Variants in SLC25A21 observed in about 807,000 individuals in gnomAD.
SLC25A21 encodes the protein solute carrier family 25 member 21, also known as mitochondrial 2-oxodicarboxylate carrier.
SLC25A21 carries 47 observed loss-of-function variants against 43.8 expected under a neutral mutation model. That is an observed-to-expected ratio of 1.07 (90% CI 0.85 to 1.37). The LOEUF (loss-of-function observed/expected upper bound fraction) is 1.37. Ranked by LOEUF, SLC25A21 falls within the 40% of genes most tolerant of loss-of-function variation. The pLI is 0.00. For missense variants in SLC25A21, 352 were observed against 350.2 expected (o/e 1.00, Z -0.04); for synonymous variants, 131 against 121.3 (o/e 1.08, Z -0.52).
At chr14:36,966,332 A>T (rs1429064198) in intron 1 of SLC25A21, among the ~76,000 whole-genome samples, 1 of 152,208 alleles carries the variant, frequency 6.6e-6, no homozygotes, top group Non-Finnish European at 1.5e-5. Flanking sequence ...TCCCTACCAG[A>T]TGGTCCATAG....
At chr14:36,857,139 A>G (rs903596179) in intron 2 of SLC25A21, among the ~76,000 whole-genome samples, 1 of 152,162 alleles carries the variant, frequency 6.6e-6, no homozygotes, top group East Asian at 1.9e-4. Flanking sequence ...AAAGCCTAAG[A>G]CATGCTTTAT....
chr14:37,168,822 T>A (rs1057415754), intron 1 of SLC25A21, among the ~76,000 whole-genome samples: 5 of 152,140 alleles, frequency 3.3e-5, no homozygotes, highest in Admixed American at 6.5e-5. Context: ...AGTGTGGCAC[T>A]CTGACAACCT....
intron 1 of SLC25A21, among the ~76,000 whole-genome samples, chr14:37,030,699 A>G (rs1950816): frequency 0.47 from 71,871 of 152,026 alleles, 20,178 homozygotes; most frequent in African/African-American, 0.8. Context: ...GTGACCTAGC[A>G]TTCAGCTTCA....
chr14:37,146,127 A>C (rs1473643436), intron 1 of SLC25A21, among the ~76,000 whole-genome samples: 2 of 152,210 alleles, frequency 1.3e-5, no homozygotes, highest in African/African-American at 4.8e-5. Flanking sequence ...GTTTTAAATT[A>C]ATTCACATTA....
intron 1 of SLC25A21, among the ~76,000 whole-genome samples, chr14:36,924,210 T>G (rs1892064817): frequency 6.6e-6 from 1 of 152,132 alleles, no homozygotes; most frequent in Admixed American, 6.6e-5. Flanking sequence ...CATGCTGCTA[T>G]AAAGACACAT....
intron 1 of SLC25A21, among the ~76,000 whole-genome samples, chr14:36,925,819 C>A (rs927802850): frequency 4.6e-5 from 7 of 152,098 alleles, no homozygotes; most frequent in Admixed American, 1.3e-4. Flanking sequence ...TGCATTCCAG[C>A]CTGGGTGACA....
rs762387752 is a variant in SLC25A21, at chr14:36,734,606, A to T, written c.204-33T>A. 2.6e-6 allele frequency: 4 copies of T among 1,513,822 alleles called. No homozygotes were observed. In the South Asian group the frequency reaches 4.7e-5, roughly 18 times the overall value. 93.8% of individuals were successfully genotyped at this position (1,513,822 alleles called of 1,614,324 possible). A position where few individuals can be genotyped will look rare whatever the true frequency, so the allele number is the denominator to read the frequency against. The stretch of plus-strand genomic sequence containing the variant: ...AGAAATAAAAGATTTCCTATGAGTA[A>T]GGAAATTAGGCAACAAGTATTTCTG... On this transcript the variant is annotated intron_variant, in intron 3 of 9. Coordinates refer to ENST00000331299, the MANE Select transcript of SLC25A21 (RefSeq NM_030631.4).
chr14:36,757,873 T>G (rs1885994339), intron 3 of SLC25A21, among the ~76,000 whole-genome samples: 3 of 152,234 alleles, frequency 2.0e-5, no homozygotes, highest in Admixed American at 2.0e-4. Context: ...ACCAGCTTAT[T>G]GAGCACTCTG....
chr14:37,169,580 AACACACACAC>A (rs1321339179), intron 1 of SLC25A21, among the ~76,000 whole-genome samples: 21 of 145,292 alleles, frequency 1.4e-4, no homozygotes, highest in African/African-American at 5.3e-4. Flanking sequence ...AAAAGGTCAT[AACACACACAC>A]ACACACACAC....
chr14:36,848,153 C>T (rs1012934131), intron 2 of SLC25A21, among the ~76,000 whole-genome samples: 2 of 152,146 alleles, frequency 1.3e-5, no homozygotes, highest in African/African-American at 2.4e-5. Context: ...TATTACCCAT[C>T]AGCCTCTAGA....
intron 6 of SLC25A21, among the ~76,000 whole-genome samples, chr14:36,714,003 C>T (rs774849394): frequency 6.6e-6 from 1 of 151,720 alleles, no homozygotes; most frequent in Non-Finnish European, 1.5e-5. Context: ...AAAGCAAGAC[C>T]CTATCTCAAA....
chr14:37,149,142 GT>G (rs142665911), intron 1 of SLC25A21, among the ~76,000 whole-genome samples: 2 of 150,972 alleles, frequency 1.3e-5, no homozygotes, highest in Non-Finnish European at 3.0e-5. Flanking sequence ...TATCACCACT[GT>G]TTTTTTTTAA....
At chr14:36,814,209 T>C (rs1888372053) in intron 2 of SLC25A21, among the ~76,000 whole-genome samples, 1 of 152,192 alleles carries the variant, frequency 6.6e-6, no homozygotes, top group African/African-American at 2.4e-5. Context: ...TAATGAAATC[T>C]ATAGAAAAAA....
chr14:36,889,664 T>C (rs1891023469), intron 1 of SLC25A21, among the ~76,000 whole-genome samples: 1 of 152,100 alleles, frequency 6.6e-6, no homozygotes, highest in Admixed American at 6.6e-5. Flanking sequence ...TTTTTAATTT[T>C]ATTTTTTTTG....
intron 1 of SLC25A21, among the ~76,000 whole-genome samples, chr14:37,142,484 T>C (rs1321962186): frequency 6.6e-6 from 1 of 152,130 alleles, no homozygotes; most frequent in Non-Finnish European, 1.5e-5. Context: ...CCTCAGCCTC[T>C]CAAGTAGCTG....
chr14:36,934,605 C>A (rs1373783627), intron 1 of SLC25A21, among the ~76,000 whole-genome samples: 1 of 151,936 alleles, frequency 6.6e-6, no homozygotes, highest in Non-Finnish European at 1.5e-5. Context: ...ACTTCCAATT[C>A]ACCAGTACTT....
chr14:36,969,202 T>A (rs537162567), intron 1 of SLC25A21, among the ~76,000 whole-genome samples: 30 of 152,288 alleles, frequency 2.0e-4, no homozygotes, highest in African/African-American at 7.2e-4. Context: ...TAAATAAATA[T>A]GTTGTCTTTG....
rs183288390 is a variant in SLC25A21, at chr14:37,110,777, A to G, written c.70+61504T>C. The stretch of plus-strand genomic sequence containing the variant: ...CAACTGTTTATCAATGACTGATAAC[A>G]TAATATTCACGACAGAGGAATAGCC... On this transcript the variant is annotated intron_variant, in intron 1 of 9. Transcript: ENST00000331299. Among the ~76,000 whole-genome samples the G allele has an allele frequency of 9.8e-5, 15 of 152,332 alleles. No homozygotes were observed. The East Asian group carries it at 2.9e-3, about 29-fold the overall frequency.
chr14:36,883,538 T>G (rs1017933515), intron 1 of SLC25A21, among the ~76,000 whole-genome samples: 5 of 152,222 alleles, frequency 3.3e-5, no homozygotes, highest in South Asian at 2.1e-4. Context: ...GTTTCCTGTC[T>G]GTCTCTTCTG....
Sources: gnomAD v4.1 joint callset for allele counts (sites outside exome capture counted in the v4.1 genomes callset) on GRCh38, gnomAD v4.1.1 for gene constraint, MANE v1.5 for transcripts, NCBI Gene and HGNC (gene_info 2026-07-23, HGNC 2026-07-21) for gene names.